Variants in BDP1 observed in about 807,000 individuals in gnomAD.
BDP1 encodes the protein transcription factor TFIIIB component B'' homolog.
Under a neutral mutation model 266.6 loss-of-function variants are expected in BDP1, and 169 were observed. That is an observed-to-expected ratio of 0.63 (90% CI 0.56 to 0.72). The LOEUF (loss-of-function observed/expected upper bound fraction) is 0.72. Ranked by LOEUF, BDP1 falls within the 30% of genes least tolerant of loss-of-function variation. BDP1 has a pLI of 0.00. For missense variants in BDP1, 3,015 were observed against 3,053.8 expected (o/e 0.99, Z 0.30); for synonymous variants, 1,090 against 1,022.4 (o/e 1.07, Z -1.26).
intron 4 of BDP1, among the ~76,000 whole-genome samples, chr5:71,465,887 A>G (rs566354953): frequency 8.8e-4 from 134 of 152,304 alleles, no homozygotes; most frequent in Middle Eastern, 3.4e-3. Context: ...TCTAAAAAAA[A>G]AAATAAGACT....
chr5:71,527,533 C>T (rs1233340315), intron 25 of BDP1, among the ~76,000 whole-genome samples: 1 of 152,040 alleles, frequency 6.6e-6, no homozygotes, highest in Non-Finnish European at 1.5e-5. Flanking sequence ...TTTGTGTGAC[C>T]ATTTTATTTC....
chr5:71,550,623 ATTCT>A (rs1418648351), intron 34 of BDP1, among the ~76,000 whole-genome samples: 2 of 152,092 alleles, frequency 1.3e-5, no homozygotes, highest in Non-Finnish European at 2.9e-5. Context: ...TCTTATTTTA[ATTCT>A]TTATTTTGGA....
At chr5:71,551,806 T>C (rs576123068) in intron 34 of BDP1, among the ~76,000 whole-genome samples, 20 of 96,854 alleles carry the variant, frequency 2.1e-4, no homozygotes, top group South Asian at 4.1e-4. Flanking sequence ...CCAGACGGGG[T>C]GGCTGGCCGG....
At chr5:71,470,577 T>A in intron 7 of BDP1, 88 bp downstream of exon 7, 1 of 862,294 alleles carries the variant, frequency 1.2e-6, no homozygotes, top group Non-Finnish European at 1.8e-6. Flanking sequence ...TTGGTTTAAA[T>A]CTTAGTTCAT....
Position 71,565,042 on chromosome 5 carries a change from G to A in BDP1, c.*157G>A, listed in dbSNP as rs1188186538. 17 of 676,264 alleles carry A rather than the reference G, an allele frequency of 2.5e-5. No homozygotes were observed. Among genetic ancestry groups the A allele is most frequent in the Non-Finnish European group, 3.8e-5 (16 of 421,166 alleles). The allele number at this position is 676,264 out of a possible 1,614,324, so 41.9% of individuals were successfully genotyped here. Reference sequence around the variant, plus strand: ...GCTTGATTTGAAGCTTTTATAATCAGTGGAAAACATTTCTGAGGTTCCTTT... The same window carrying A: ...GCTTGATTTGAAGCTTTTATAATCAATGGAAAACATTTCTGAGGTTCCTTT... On this transcript the variant is annotated 3_prime_UTR_variant, in exon 39 of 39. Transcript: ENST00000358731.
intron 12 of BDP1, 24 bp from the exon 13 acceptor site, chr5:71,497,246 A>C: frequency 6.2e-7 from 1 of 1,605,042 alleles, no homozygotes; most frequent in Non-Finnish European, 8.5e-7. Flanking sequence ...GTTTGATGCT[A>C]TTTAAATAAT....
In BDP1 at chr5:71,541,674, A is replaced by C; in HGVS notation, c.6243A>C (p.Thr2081=). 6.4e-7 allele frequency: 1 copy of C among 1,567,178 alleles called. No individual in the cohort carries two copies. Among genetic ancestry groups the C allele is most frequent in the Non-Finnish European group, 8.7e-7 (1 of 1,155,926 alleles). ...SLMEKVKENA[T]PTRNTISKVT... ...TGGAGAAAGTAAAGGAGAATGCTAC[A>C]CCAACCAGGTTTATTTTAGTATTCA... The change falls in exon 29 of 39, where the codon ACA becomes ACC. Residue 2081 remains threonine, a synonymous_variant. Transcript: ENST00000358731.
At chr5:71,552,834 G>GGGGAGA (rs141762932) in intron 34 of BDP1, among the ~76,000 whole-genome samples, 1 of 152,004 alleles carries the variant, frequency 6.6e-6, no homozygotes, top group Admixed American at 6.6e-5. Context: ...GGGAGACCAT[G>GGGGAGA]GGGAGAGGGA....
At chr5:71,461,736 C>A in intron 2 of BDP1, 81 bp from the exon 3 acceptor site, 1 of 765,348 alleles carries the variant, frequency 1.3e-6, no homozygotes, top group Non-Finnish European at 2.2e-6. Flanking sequence ...GTGAACGCAA[C>A]AGTGGACTGT....
intron 7 of BDP1, among the ~76,000 whole-genome samples, chr5:71,472,521 T>C (rs1262067182): frequency 1.3e-5 from 2 of 152,222 alleles, no homozygotes; most frequent in African/African-American, 2.4e-5. Context: ...TTTTCAAATA[T>C]TGGACTAATG....
At position 71,539,606 on chromosome 5, in the gene BDP1, A is replaced by T; in HGVS notation, c.5979A>T (p.Gly1993=). Residue 1993 remains glycine, a synonymous_variant, in exon 28 of 39, where the codon GGA becomes GGT. Transcript: ENST00000358731. ...TEAAITLLTM[G]DLVLQSEISS... ...CTGCAATAACTTTACTTACAATGGG[A>T]GATCTAGTATTGCAGTCAGAGATCA... 1.2e-6 allele frequency: 2 copies of T among 1,612,736 alleles called. No homozygotes were observed. Among genetic ancestry groups the T allele is most frequent in the Non-Finnish European group, 1.7e-6 (2 of 1,179,420 alleles).
At chr5:71,456,941 CATTT>C (rs1761226519) in intron 1 of BDP1, among the ~76,000 whole-genome samples, 1 of 151,862 alleles carries the variant, frequency 6.6e-6, no homozygotes, top group South Asian at 2.1e-4. Context: ...GAAGGTGAAA[CATTT>C]ATTTATTTTT....
chr5:71,549,583 T>C lies in BDP1; in HGVS notation c.6972T>C (p.Asn2324=), dbSNP rs898628989. 9.3e-6 allele frequency: 15 copies of C among 1,605,654 alleles called. No individual in the cohort carries two copies. The highest frequency in any genetic ancestry group is 1.3e-5 in the African/African-American group (1 of 74,634). The change falls in exon 34 of 39, where the codon AAT becomes AAC. Residue 2324 remains asparagine (N), a synonymous_variant. Coordinates refer to ENST00000358731, the MANE Select transcript of BDP1 (RefSeq NM_018429.3). ...CTCCCATATTGGTCAAATCAGTGAA[T>C]ACCGAAGAAAGGGGTGACATGAGGT... is the stretch of plus-strand genomic sequence containing the variant. The part of the protein sequence containing the change: ...LPAPILVKSV[N]TEERGDMSIC...
intron 16 of BDP1, among the ~76,000 whole-genome samples, chr5:71,506,084 A>G (rs1329295977): frequency 2.0e-5 from 3 of 152,204 alleles, no homozygotes; most frequent in Admixed American, 6.5e-5. Flanking sequence ...TATCTCTGAT[A>G]TGGATTTTAA....
At chr5:71,517,272 G>A (rs986123831) in intron 21 of BDP1, 50 bp from the exon 22 acceptor site, 4 of 1,375,866 alleles carry the variant, frequency 2.9e-6, no homozygotes, top group African/African-American at 1.5e-5. Flanking sequence ...TATTTTAAGA[G>A]GTATATTCTG....
chr5:71,517,126 C>T (rs1408570469), intron 21 of BDP1, among the ~76,000 whole-genome samples, 196 bp from the exon 22 acceptor site: 2 of 152,098 alleles, frequency 1.3e-5, no homozygotes, highest in Non-Finnish European at 2.9e-5. Flanking sequence ...ACTCAGGAGG[C>T]TGAGGAAGGA....
intron 38 of BDP1, among the ~76,000 whole-genome samples, chr5:71,563,746 C>T (rs1743842343): frequency 6.6e-6 from 1 of 152,162 alleles, no homozygotes; most frequent in African/African-American, 2.4e-5. Context: ...AACCCCATCT[C>T]TACCAAAATA....
At chr5:71,559,416 A>G (rs964981507) in intron 36 of BDP1, among the ~76,000 whole-genome samples, 2 of 152,204 alleles carry the variant, frequency 1.3e-5, no homozygotes, top group Admixed American at 6.5e-5. Flanking sequence ...CCCTTCACAG[A>G]GCTAAAACAC....
intron 6 of BDP1, 94 bp downstream of exon 6, chr5:71,467,581 T>G (rs1030514566): frequency 1.9e-6 from 2 of 1,032,920 alleles, no homozygotes; most frequent in Non-Finnish European, 2.9e-6. Context: ...GTACATAAAA[T>G]GCAAACTACC....
Sources: gnomAD v4.1 joint callset for allele counts (sites outside exome capture counted in the v4.1 genomes callset) on GRCh38, gnomAD v4.1.1 for gene constraint, MANE v1.5 for transcripts, NCBI Gene and HGNC (gene_info 2026-07-23, HGNC 2026-07-21) for gene names.